The following SORL1 variants were observed in gnomAD, a reference collection of about 807,000 sequenced individuals.
SORL1 encodes sortilin related receptor 1.
A neutral mutation model predicts 273.7 loss-of-function variants in SORL1; 127 were observed. The ratio of observed to expected loss-of-function variants is 0.46; its 90% CI spans 0.40 to 0.54. SORL1 has a LOEUF of 0.54. Ranked by LOEUF, SORL1 falls within the 20% of genes least tolerant of loss-of-function variation. The pLI is 0.00. For synonymous variants in SORL1, 1,031 were observed against 1,067.4 expected (o/e 0.97, Z 0.66); for missense variants, 2,494 against 2,846.1 (o/e 0.88, Z 2.81).
intron 39 of SORL1, 137 bp from the exon 40 acceptor site, chr11:121,612,599 A>G: frequency 4.8e-6 from 3 of 626,654 alleles, no homozygotes; most frequent in Non-Finnish European, 8.4e-6. Flanking sequence ...TAAAATTTTT[A>G]AAAAACAACC....
rs767007846 is a variant in SORL1 at position 121,618,945 on chromosome 11, C to G, written c.5724+52C>G. The G allele has an allele frequency of 1.0e-5, 16 of 1,605,446 alleles. No individual in the cohort carries two copies. In the African/African-American group the frequency reaches 2.1e-4, roughly 22 times the overall value. On this transcript the variant is annotated intron_variant, in intron 42 of 47. Coordinates refer to ENST00000260197, the MANE Select transcript of SORL1 (RefSeq NM_003105.6). ...TTTAAGGGATGTCTTAAGTCCTGGG[C>G]TCTGGTCTCAACCCAGGACCTGGGG...
intron 1 of SORL1, among the ~76,000 whole-genome samples, chr11:121,456,770 A>G (rs1294431688): frequency 6.6e-6 from 1 of 152,216 alleles, no homozygotes; most frequent in Non-Finnish European, 1.5e-5. Flanking sequence ...TAATTCCTAC[A>G]TTTTAGAAGC....
intron 24 of SORL1, chr11:121,576,987 A>G: frequency 4.1e-6 from 6 of 1,478,526 alleles, no homozygotes; most frequent in Non-Finnish European, 5.5e-6. Flanking sequence ...CATAGAAAAT[A>G]ATATATGTGG....
At chr11:121,529,617 G>A (rs1023451609) in intron 11 of SORL1, among the ~76,000 whole-genome samples, 3 of 151,532 alleles carry the variant, frequency 2.0e-5, no homozygotes, top group African/African-American at 7.3e-5. Flanking sequence ...GGTCTTGTGT[G>A]TTGTCCAGGC....
intron 13 of SORL1, 47 bp from the exon 14 acceptor site, chr11:121,545,196 A>G (rs772766684): frequency 1.1e-5 from 18 of 1,593,270 alleles, no homozygotes; most frequent in Non-Finnish European, 1.5e-5. Flanking sequence ...AGGAAACCCT[A>G]CATGGGCCTG....
At chr11:121,508,938 G>A (rs1861829118) in intron 6 of SORL1, among the ~76,000 whole-genome samples, 1 of 151,932 alleles carries the variant, frequency 6.6e-6, no homozygotes, top group Admixed American at 6.6e-5. Flanking sequence ...TTTATTATAG[G>A]CATTTTCCAA....
At chr11:121,529,936 C>A (rs147113670) in intron 11 of SORL1, among the ~76,000 whole-genome samples, 1 of 151,972 alleles carries the variant, frequency 6.6e-6, no homozygotes, top group African/African-American at 2.4e-5. Flanking sequence ...AAGTATTCTA[C>A]TTTTATTTAG....
intron 21 of SORL1, among the ~76,000 whole-genome samples, chr11:121,560,834 A>G (rs1862661507): frequency 6.6e-6 from 1 of 152,218 alleles, no homozygotes; most frequent in Non-Finnish European, 1.5e-5. Context: ...TGGTTTATAG[A>G]TTAGGGAATT....
At chr11:121,472,830 G>A (rs1861192104) in intron 2 of SORL1, among the ~76,000 whole-genome samples, 1 of 152,068 alleles carries the variant, frequency 6.6e-6, no homozygotes, top group Non-Finnish European at 1.5e-5. Context: ...TGTGGTGGTG[G>A]GTGCCTGTAA....
chr11:121,557,333 A>G lies in SORL1; in HGVS notation c.2591A>G (p.Asp864Gly). Residue 864 changes from aspartate to glycine, a missense_variant, in exon 19 of 48, where the codon GAC (aspartate) becomes GGC (glycine). Physicochemically the swap from Asp to Gly is moderately conservative, Grantham distance 94 (BLOSUM62 -1). Around this residue, in one of 3 missense-constraint regions of SORL1, gnomAD observed 1,609 missense variants for 1,816.4 expected, o/e 0.89. Transcript: ENST00000260197. ...TGTCAGGTAGCTAATCCAGATGGCG[A>G]CTTCCGACTCACAATCGTCAATTCC... Reference protein sequence around the residue: ...KKIEVANPDGDFRLTIVNSSV... With the variant: ...KKIEVANPDGGFRLTIVNSSV... The G allele has an allele frequency of 6.2e-7, 1 of 1,614,042 alleles. No individual in the cohort carries two copies.
intron 24 of SORL1, among the ~76,000 whole-genome samples, chr11:121,576,397 C>G (rs1336641973): frequency 6.6e-6 from 1 of 152,156 alleles, no homozygotes; most frequent in Non-Finnish European, 1.5e-5. Flanking sequence ...CCTCCCACCT[C>G]TTTCTTAAGG....
rs1194452379 is a variant in SORL1, at chr11:121,615,063, A to T, written c.5604+8A>T. 6.3e-7 allele frequency: 1 copy of T among 1,585,306 alleles called. No homozygotes were observed. Among genetic ancestry groups the T allele is most frequent in the Non-Finnish European group, 8.6e-7 (1 of 1,165,670 alleles). Reference sequence around the variant, plus strand: ...ACCGGCCCCCGGAATGTGGTGAGTCAGCCAGAATGACCATCACAAAGTGAG... The same window carrying T: ...ACCGGCCCCCGGAATGTGGTGAGTCTGCCAGAATGACCATCACAAAGTGAG... On this transcript the variant is annotated splice_region_variant and intron_variant, in intron 41 of 47. Transcript: ENST00000260197.
rs116501626 is a variant in SORL1, at chr11:121,556,975, C to T, written c.2572-339C>T. On this transcript the variant is annotated intron_variant, in intron 18 of 47. Coordinates refer to ENST00000260197, the MANE Select transcript of SORL1 (RefSeq NM_003105.6). Reference sequence around the variant, plus strand: ...GATTGCCTTGGAACGTGGAGTGACACGGGATGGTGAAATAAGTAAATGCTC... The same window carrying T: ...GATTGCCTTGGAACGTGGAGTGACATGGGATGGTGAAATAAGTAAATGCTC... The T allele has an allele frequency of 2.8e-3, 723 of 258,080 alleles. 7 individuals carry two copies. The highest frequency in any genetic ancestry group is 0.015 in the African/African-American group (667 of 45,214). 16.0% of individuals were successfully genotyped at this position (258,080 alleles called of 1,614,324 possible).
chr11:121,616,510 G>A (rs538303911), intron 41 of SORL1, among the ~76,000 whole-genome samples: 3 of 152,252 alleles, frequency 2.0e-5, no homozygotes, highest in Admixed American at 6.5e-5. Context: ...CATCCCTGGC[G>A]GTCACCAGCC....
chr11:121,459,295 C>G (rs1412668521), intron 1 of SORL1, among the ~76,000 whole-genome samples: 2 of 152,334 alleles, frequency 1.3e-5, no homozygotes, highest in Admixed American at 1.3e-4. Context: ...GCCTCTTCTT[C>G]CCACCTGTAG....
intron 11 of SORL1, among the ~76,000 whole-genome samples, chr11:121,532,170 G>T (rs1862211713): frequency 6.6e-6 from 1 of 152,126 alleles, no homozygotes; most frequent in Non-Finnish European, 1.5e-5. Flanking sequence ...CATAGATTTG[G>T]ATTTGAGTCC....
intron 12 of SORL1, among the ~76,000 whole-genome samples, chr11:121,538,600 G>A (rs1328179134): frequency 6.6e-6 from 1 of 152,138 alleles, no homozygotes; most frequent in African/African-American, 2.4e-5. Flanking sequence ...CTGTATTTGA[G>A]CAAACAGGTT....
At chr11:121,491,542 C>G (rs947848557) in intron 5 of SORL1, among the ~76,000 whole-genome samples, 1 of 152,162 alleles carries the variant, frequency 6.6e-6, no homozygotes, top group Admixed American at 6.5e-5. Flanking sequence ...TTGATCTTCA[C>G]CACCCCAAAT....
chr11:121,498,777 G>A (rs1341409413), intron 6 of SORL1, among the ~76,000 whole-genome samples: 2 of 151,948 alleles, frequency 1.3e-5, no homozygotes, highest in South Asian at 2.1e-4. Flanking sequence ...TCGGAAGGCC[G>A]AGGCAGGAGA....
Sources: gnomAD v4.1 joint callset for allele counts (sites outside exome capture counted in the v4.1 genomes callset) on GRCh38, gnomAD v4.1.1 for gene constraint, gnomAD v4.1.1 regional missense constraint, MANE v1.5 for transcripts, NCBI Gene and HGNC (gene_info 2026-07-23, HGNC 2026-07-21) for gene names.